Variants in INPP4B observed in about 807,000 individuals in gnomAD.
INPP4B encodes inositol polyphosphate-4-phosphatase type II B, also known as inositol polyphosphate 4-phosphatase type II.
INPP4B carries 55 observed loss-of-function variants against 122.5 expected under a neutral mutation model. That is an observed-to-expected ratio of 0.45 (90% CI 0.36 to 0.56). The LOEUF is 0.56. INPP4B is among the 20% of genes least tolerant of loss of function. INPP4B has a pLI of 0.00. For synonymous variants in INPP4B, 403 were observed against 388.7 expected (o/e 1.04, Z -0.43); for missense variants, 1,000 against 1,097.7 (o/e 0.91, Z 1.26).
At chr4:142,627,845 A>G (rs1746858143) in intron 2 of INPP4B, among the ~76,000 whole-genome samples, 1 of 151,860 alleles carries the variant, frequency 6.6e-6, no homozygotes, top group Admixed American at 6.6e-5. Flanking sequence ...TCCTCCTTGT[A>G]CCTCTGGTAG....
chr4:142,421,009 C>T (rs1806762730), intron 5 of INPP4B, among the ~76,000 whole-genome samples: 1 of 152,088 alleles, frequency 6.6e-6, no homozygotes, highest in South Asian at 2.1e-4. Context: ...ATATCCTTCC[C>T]ATTTTCCAGA....
chr4:142,054,583 G>T (rs949264752), intron 25 of INPP4B, among the ~76,000 whole-genome samples: 1 of 53,138 alleles, frequency 1.9e-5, no homozygotes, highest in African/African-American at 3.4e-5. Flanking sequence ...ACAGTCCAGA[G>T]GGTCCCATTT....
At chr4:142,732,909 C>G (rs764676707) in intron 1 of INPP4B, among the ~76,000 whole-genome samples, 14 of 151,974 alleles carry the variant, frequency 9.2e-5, no homozygotes, top group Non-Finnish European at 1.8e-4. Flanking sequence ...TGCCAGATAT[C>G]AAAACTTATT....
intron 2 of INPP4B, among the ~76,000 whole-genome samples, chr4:142,493,628 C>T (rs770701831): frequency 2.6e-5 from 4 of 152,154 alleles, no homozygotes; most frequent in Non-Finnish European, 4.4e-5. Flanking sequence ...TTGATTTAGC[C>T]AATCTCCCCT....
At chr4:142,556,260 T>C (rs927434120) in intron 2 of INPP4B, among the ~76,000 whole-genome samples, 1 of 152,298 alleles carries the variant, frequency 6.6e-6, no homozygotes, top group South Asian at 2.1e-4. Flanking sequence ...AGAAACTTCT[T>C]TGGTGCAAGT....
chr4:142,284,920 T>G (rs776584061), intron 9 of INPP4B, among the ~76,000 whole-genome samples: 24 of 152,252 alleles, frequency 1.6e-4, no homozygotes, highest in Admixed American at 5.9e-4. Flanking sequence ...CAATTTATAT[T>G]TTGCTTGTGG....
At chr4:142,459,971 A>G (rs1816368497) in intron 3 of INPP4B, among the ~76,000 whole-genome samples, 1 of 152,362 alleles carries the variant, frequency 6.6e-6, no homozygotes. Context: ...CCTGCAGTGT[A>G]CAGAATAAGC....
chr4:142,090,044 T>C (rs1272422245), intron 23 of INPP4B, among the ~76,000 whole-genome samples: 1 of 152,184 alleles, frequency 6.6e-6, no homozygotes. Context: ...GACCAAATTC[T>C]TCAGAACGCT....
At chr4:142,129,743 T>C (rs1478392162) in intron 18 of INPP4B, among the ~76,000 whole-genome samples, 1 of 152,228 alleles carries the variant, frequency 6.6e-6, no homozygotes, top group East Asian at 1.9e-4. Context: ...CCTGTCTTTA[T>C]AATCTACTGC....
At chr4:142,537,429 T>TATATATATAGAGAGAGAGAG (rs1200701380) in intron 2 of INPP4B, among the ~76,000 whole-genome samples, 4 of 25,486 alleles carry the variant, frequency 1.6e-4, no homozygotes, top group Admixed American at 3.9e-4. Context: ...TATATATATA[T>TATATATATAGAGAGAGAGAG]AGAGAGAGAG....
chr4:142,714,455 T>TA (rs1169595907), intron 2 of INPP4B, among the ~76,000 whole-genome samples: 1 of 152,172 alleles, frequency 6.6e-6, no homozygotes, highest in Non-Finnish European at 1.5e-5. Flanking sequence ...TTTGACCAGC[T>TA]AAAGTCTATG....
At chr4:142,326,124 T>G (rs2151475830) in intron 7 of INPP4B, among the ~76,000 whole-genome samples, 1 of 152,324 alleles carries the variant, frequency 6.6e-6, no homozygotes, top group South Asian at 2.1e-4. Flanking sequence ...TTATTTCTGG[T>G]TCTTCCTGAA....
intron 2 of INPP4B, among the ~76,000 whole-genome samples, chr4:142,556,374 T>A (rs1729174092): frequency 6.6e-6 from 1 of 152,244 alleles, no homozygotes; most frequent in African/African-American, 2.4e-5. Flanking sequence ...ACAGGAGTTC[T>A]AATTATATGT....
At chr4:142,574,557 G>A (rs769789971) in intron 2 of INPP4B, among the ~76,000 whole-genome samples, 8 of 152,098 alleles carry the variant, frequency 5.3e-5, no homozygotes, top group Non-Finnish European at 7.4e-5. Flanking sequence ...GAGTTTCTCC[G>A]GAAACACCAT....
chr4:142,447,082 T>C (rs1389955376), intron 3 of INPP4B, among the ~76,000 whole-genome samples: 1 of 152,080 alleles, frequency 6.6e-6, no homozygotes, highest in African/African-American at 2.4e-5. Flanking sequence ...AGAGGCAGAG[T>C]CATGTGTTGA....
chr4:142,551,786 G>T (rs1192161992), intron 2 of INPP4B, among the ~76,000 whole-genome samples: 3 of 152,152 alleles, frequency 2.0e-5, no homozygotes, highest in African/African-American at 4.8e-5. Flanking sequence ...ATTACATATA[G>T]AAAACTTTAA....
At chr4:142,146,748 A>T (rs1810975150) in intron 17 of INPP4B, among the ~76,000 whole-genome samples, 2 of 152,134 alleles carry the variant, frequency 1.3e-5, no homozygotes, top group South Asian at 4.1e-4. Context: ...AATTTTGACA[A>T]ATTGCTCAGA....
At chr4:142,559,335 T>C (rs1729941008) in intron 2 of INPP4B, among the ~76,000 whole-genome samples, 1 of 152,194 alleles carries the variant, frequency 6.6e-6, no homozygotes, top group South Asian at 2.1e-4. Flanking sequence ...TTGTTTATCT[T>C]TGTGGCTTGA....
intron 2 of INPP4B, among the ~76,000 whole-genome samples, chr4:142,642,266 G>A (rs1291082303): frequency 6.6e-6 from 1 of 152,156 alleles, no homozygotes. Context: ...AAGCTCTTGA[G>A]TTTAATTAGA....
Sources: allele counts gnomAD v4.1 joint callset (sites outside exome capture counted in the v4.1 genomes callset), GRCh38; gene constraint gnomAD v4.1.1; transcripts MANE v1.5; gene names NCBI Gene and HGNC (gene_info 2026-07-23, HGNC 2026-07-21).